Variants in USP40 observed in about 807,000 individuals in gnomAD.
The protein encoded by USP40 is ubiquitin specific peptidase 40.
Under a neutral mutation model 166.2 loss-of-function variants are expected in USP40, and 143 were observed. The ratio of observed to expected loss-of-function variants is 0.86; its 90% CI spans 0.75 to 0.99. The LOEUF (loss-of-function observed/expected upper bound fraction) is 0.99. Ranked by LOEUF, USP40 falls within the 50% of genes least tolerant of loss-of-function variation. USP40 has a pLI of 0.00. For missense variants in USP40, 1,444 were observed against 1,479.7 expected (o/e 0.98, Z 0.40); for synonymous variants, 498 against 524.0 (o/e 0.95, Z 0.68).
At chr2:233,518,022 T>TG (rs2067360796) in intron 18 of USP40, among the ~76,000 whole-genome samples, 1 of 121,144 alleles carries the variant, frequency 8.3e-6, no homozygotes, top group African/African-American at 3.2e-5. Context: ...TTTGGGGACT[T>TG]GGGGGGAAGG....
At chr2:233,542,661 C>A in intron 8 of USP40, 1 of 220,152 alleles carries the variant, frequency 4.5e-6, no homozygotes. Flanking sequence ...ATGGATGACA[C>A]AGAGCAAGAC....
In USP40 at chr2:233,496,787, G is replaced by C. The variant is rs533217195; in HGVS notation, c.2761C>G (p.Leu921Val). 6.2e-7 allele frequency: 1 copy of C among 1,612,614 alleles called. No homozygotes were observed. Among genetic ancestry groups the C allele is most frequent in the South Asian group, 1.1e-5 (1 of 91,006 alleles). The change falls in exon 24 of 32, where the codon CTT (leucine) becomes GTT (valine). Residue 921 changes from leucine (L) to valine (V), a missense_variant. By Grantham distance (32) the Leu-to-Val change is conservative (BLOSUM62 1). Transcript: ENST00000678225. ...GGAGGAAGTTGTCCTTCAATTAAAA[G>C]CAAAGTATCTCCAGAACATATCAGA... is the stretch of plus-strand genomic sequence containing the variant. The part of the protein sequence containing the change: ...ELLICSGDTL[L>V]LIEGQLPPLG...
At chr2:233,477,928 G>A (rs992790232) in intron 31 of USP40, among the ~76,000 whole-genome samples, 9 of 152,250 alleles carry the variant, frequency 5.9e-5, no homozygotes, top group African/African-American at 1.9e-4. Context: ...GGAGAGACAG[G>A]CCACTTGGCA....
At position 233,480,008 on chromosome 2, in the gene USP40, C is replaced by T. The variant is rs1559207698; in HGVS notation, c.3599+1195G>A. Among the ~76,000 whole-genome samples, 1 of 152,192 alleles carries T rather than the reference C, an allele frequency of 6.6e-6. No homozygotes were observed. Among genetic ancestry groups the T allele is most frequent in the Non-Finnish European group, 1.5e-5 (1 of 68,042 alleles). On this transcript the variant is annotated intron_variant, in intron 31 of 31. Coordinates refer to ENST00000678225, the MANE Select transcript of USP40 (RefSeq NM_001365479.2). This position sits in a 1 kb window ranked among gnomAD's most constrained non-coding sequence, Gnocchi z 4.5. ...TGATTCTACTTCTACCTCCTAGAAT[C>T]CACTCACCACAAAGCAGCCAGTGAT...
At chr2:233,558,126 C>A (rs2071264052) in intron 4 of USP40, among the ~76,000 whole-genome samples, 2 of 150,036 alleles carry the variant, frequency 1.3e-5, no homozygotes, top group Middle Eastern at 3.3e-3. Context: ...TATCTAATAT[C>A]ACTGGCTATG....
At chr2:233,560,562 CA>C (rs1453847011) in intron 3 of USP40, among the ~76,000 whole-genome samples, 1 of 152,076 alleles carries the variant, frequency 6.6e-6, no homozygotes, top group African/African-American at 2.4e-5. Flanking sequence ...AAAAGAAATA[CA>C]CAAAAACAGG....
In USP40 at chr2:233,524,687, A is replaced by AT. The variant is rs754395368; in HGVS notation, c.1811-126dup. ...ACTAAGGAAAATTTAAAAAGTAGTA[A>AT]TTATTTTTATTCTATTGACATTATT... On this transcript the variant is annotated intron_variant, in intron 14 of 31. Transcript: ENST00000678225. The AT allele has an allele frequency of 1.1e-4, 69 of 635,228 alleles. No homozygotes were observed. In the South Asian group the frequency reaches 1.5e-3, roughly 14 times the overall value. 39.3% of individuals were successfully genotyped at this position (635,228 alleles called of 1,614,324 possible).
At chr2:233,564,483 TAG>T (rs759309313) in intron 2 of USP40, among the ~76,000 whole-genome samples, 20 of 152,088 alleles carry the variant, frequency 1.3e-4, no homozygotes, top group African/African-American at 4.8e-4. Flanking sequence ...GAGAAATATA[TAG>T]AGAGAAACAG....
intron 3 of USP40, 116 bp from the exon 4 acceptor site, chr2:233,560,040 T>C (rs2071434699): frequency 3.3e-6 from 2 of 599,370 alleles, no homozygotes; most frequent in Admixed American, 3.4e-5. Flanking sequence ...AGAAAGTTTA[T>C]AAATATCCTA....
intron 21 of USP40, among the ~76,000 whole-genome samples, chr2:233,502,810 C>T (rs1043571650): frequency 7.9e-5 from 12 of 151,924 alleles, no homozygotes; most frequent in Admixed American, 5.2e-4. Flanking sequence ...GCTACTGAGC[C>T]CACCAAGAAC....
chr2:233,487,139 AT>A (rs1414717584), intron 28 of USP40, among the ~76,000 whole-genome samples: 1 of 152,252 alleles, frequency 6.6e-6, no homozygotes, highest in Non-Finnish European at 1.5e-5. Context: ...GCTCACACAA[AT>A]TCCAAGAGAG....
intron 11 of USP40, among the ~76,000 whole-genome samples, chr2:233,533,181 G>A (rs1485426906): frequency 1.3e-5 from 2 of 152,050 alleles, no homozygotes; most frequent in African/African-American, 2.4e-5. Flanking sequence ...TATGGCAATC[G>A]CACTCAAGTT....
At position 233,485,584 on chromosome 2, in the gene USP40, A is replaced by G; in HGVS notation, c.3451T>C (p.Tyr1151His). ...TKRKKKKKQD[Y>H]LQGAPYYLKD... ...AAGTAATACGGTGCCCCTTGCAAAT[A>G]ATCTTGTTTTTTTTTCTTTTTCCTC... Residue 1151 changes from tyrosine to histidine, a missense_variant, in exon 30 of 32, where the codon TAT becomes CAT. By Grantham distance (83) the Tyr-to-His change is moderately conservative. Coordinates refer to ENST00000678225, the MANE Select transcript of USP40 (RefSeq NM_001365479.2). 1 of 1,613,934 alleles carries G rather than the reference A, an allele frequency of 6.2e-7. No homozygotes were observed.
At chr2:233,554,644 A>C in intron 5 of USP40, 118 bp from the exon 6 acceptor site, 1 of 735,112 alleles carries the variant, frequency 1.4e-6, no homozygotes, top group Non-Finnish European at 2.0e-6. Flanking sequence ...TTACAAATAA[A>C]GATGTAGATC....
chr2:233,530,086 C>A (rs1021726211), intron 11 of USP40, among the ~76,000 whole-genome samples: 2 of 152,050 alleles, frequency 1.3e-5, no homozygotes, highest in East Asian at 3.8e-4. Context: ...AGGCATAAGC[C>A]ACCACGCCTG....
At position 233,533,628 on chromosome 2, in the gene USP40, T is replaced by G; in HGVS notation, c.1322A>C (p.Asn441Thr). 1 of 1,613,840 alleles carries G rather than the reference T, an allele frequency of 6.2e-7. No individual in the cohort carries two copies. Among genetic ancestry groups the G allele is most frequent in the Non-Finnish European group, 8.5e-7 (1 of 1,179,812 alleles). ...CCAGTGGGGACAGGAGATGCTATTG[T>G]TTAAACCTGGGGATTCTGGAGGAAG... ...KMLPPESPGL[N>T]NSISCPHWFD... is the part of the protein sequence containing the mutation. The change falls in exon 11 of 32, where the codon AAC becomes ACC. Residue 441 changes from asparagine to threonine, a missense_variant. By Grantham distance (65) the Asn-to-Thr change is moderately conservative (BLOSUM62 0). Coordinates refer to ENST00000678225, the MANE Select transcript of USP40 (RefSeq NM_001365479.2).
At chr2:233,477,646 T>A in intron 31 of USP40, 143 bp from the exon 32 acceptor site, 1 of 731,032 alleles carries the variant, frequency 1.4e-6, no homozygotes, top group Non-Finnish European at 2.2e-6. Flanking sequence ...CTCAGCCACC[T>A]GCCAGAGGGC....
In USP40 at chr2:233,485,552, G is replaced by T; in HGVS notation, c.3483C>A (p.Asp1161Glu). ...YLQGAPYYLK[D>E]GDTIGVKNLL... ...TTACCTTAACACCAATAGTATCTCC[G>T]TCTTTCAAGTAATACGGTGCCCCTT... The change falls in exon 30 of 32, where the codon GAC (aspartate) becomes GAA (glutamate). Residue 1161 changes from aspartate to glutamate, a missense_variant. Physicochemically the swap from Asp to Glu is conservative, Grantham distance 45 (BLOSUM62 2). Coordinates refer to ENST00000678225, the MANE Select transcript of USP40 (RefSeq NM_001365479.2). 6.2e-7 allele frequency: 1 copy of T among 1,613,750 alleles called. No individual in the cohort carries two copies. The highest frequency in any genetic ancestry group is 1.1e-5 in the South Asian group (1 of 91,050).
At chr2:233,497,278 G>A (rs746588130) in intron 23 of USP40, among the ~76,000 whole-genome samples, 2 of 152,154 alleles carry the variant, frequency 1.3e-5, no homozygotes, top group African/African-American at 4.8e-5. Flanking sequence ...AGGTCACACC[G>A]GACTGGAAGG....
Sources: allele counts gnomAD v4.1 joint callset (sites outside exome capture counted in the v4.1 genomes callset), GRCh38; gene constraint gnomAD v4.1.1; non-coding constraint Gnocchi (gnomAD v3.1); transcripts MANE v1.5; gene names NCBI Gene and HGNC (gene_info 2026-07-23, HGNC 2026-07-21).